PTPRD: variants seen among roughly 807,000 people sequenced by gnomAD.
The protein encoded by PTPRD is protein tyrosine phosphatase receptor type D, also known as receptor-type tyrosine-protein phosphatase delta.
In PTPRD, 34 loss-of-function variants were observed where a neutral mutation model predicts 214.5. The observed-to-expected ratio is 0.16, with a 90% CI of 0.12 to 0.21. PTPRD has a LOEUF of 0.21. Among genes scored for constraint, PTPRD ranks in the 10% least tolerant of loss-of-function variants. PTPRD has a pLI of 1.00. For synonymous variants in PTPRD, 1,128 were observed against 845.7 expected (o/e 1.33, Z -5.79); for missense variants, 2,545 against 2,398.7 (o/e 1.06, Z -1.27).
At chr9:10,000,389 A>C (rs541225822) in intron 4 of PTPRD, among the ~76,000 whole-genome samples, 2 of 152,220 alleles carry the variant, frequency 1.3e-5, no homozygotes, top group African/African-American at 4.8e-5. Flanking sequence ...AAACGATCAA[A>C]CTCAAAATGG....
chr9:9,290,758 A>C (rs952187910), intron 9 of PTPRD, among the ~76,000 whole-genome samples: 2 of 151,584 alleles, frequency 1.3e-5, no homozygotes, highest in African/African-American at 4.8e-5. Flanking sequence ...GAAATGATTT[A>C]TAAACATGGG....
chr9:10,537,072 C>G (rs1234827302), intron 2 of PTPRD, among the ~76,000 whole-genome samples: 1 of 152,118 alleles, frequency 6.6e-6, no homozygotes, highest in Non-Finnish European at 1.5e-5. Context: ...GGATGAACAG[C>G]ATTTGCTCCT....
Position 10,557,220 on chromosome 9 carries a change from C to T in PTPRD, c.-600+55178G>A, listed in dbSNP as rs548649600. 1.6e-4 allele frequency among the ~76,000 whole-genome samples: 25 copies of T among 152,168 alleles called. No individual in the cohort carries two copies. The South Asian group carries it at 4.8e-3, about 29-fold the overall frequency. ...AAGAATTTCATAGATATTGTAAAGT[C>T]ATAAGCATCTGTTTTCTGCTTCTCT... On this transcript the variant is annotated intron_variant, in intron 2 of 45. Coordinates refer to ENST00000381196, the MANE Select transcript of PTPRD (RefSeq NM_002839.4).
chr9:9,695,814 A>G (rs1387027923), intron 7 of PTPRD, among the ~76,000 whole-genome samples: 2 of 152,112 alleles, frequency 1.3e-5, no homozygotes, highest in Non-Finnish European at 2.9e-5. Flanking sequence ...TATTTTGTTG[A>G]GGATGTTTAC....
chr9:9,949,610 A>C (rs960879153), intron 4 of PTPRD, among the ~76,000 whole-genome samples: 2 of 152,152 alleles, frequency 1.3e-5, no homozygotes, highest in Non-Finnish European at 2.9e-5. Context: ...CACTACATCC[A>C]GGCTCCTAGT....
intron 8 of PTPRD, among the ~76,000 whole-genome samples, chr9:9,495,326 GCAACAACAA>G (rs1288641433): frequency 2.1e-5 from 3 of 141,328 alleles, no homozygotes; most frequent in South Asian, 2.2e-4. Flanking sequence ...AAAAAAAAAA[GCAACAACAA>G]CAACAACAAC....
intron 3 of PTPRD, among the ~76,000 whole-genome samples, chr9:10,056,227 A>C (rs2097645101): frequency 6.6e-6 from 1 of 151,886 alleles, no homozygotes; most frequent in Non-Finnish European, 1.5e-5. Context: ...AGGCTGAGGC[A>C]GGATAATTGC....
intron 9 of PTPRD, among the ~76,000 whole-genome samples, chr9:9,270,743 G>C (rs915828787): frequency 7.3e-5 from 11 of 151,412 alleles, no homozygotes; most frequent in African/African-American, 2.7e-4. Context: ...GATTTAGAGA[G>C]AGCACTTTGA....
chr9:9,624,233 G>A (rs2095343198), intron 7 of PTPRD, among the ~76,000 whole-genome samples: 1 of 151,752 alleles, frequency 6.6e-6, no homozygotes, highest in African/African-American at 2.4e-5. Flanking sequence ...GTCTTCTGCT[G>A]GTTGACTATT....
intron 14 of PTPRD, among the ~76,000 whole-genome samples, chr9:8,557,246 G>A (rs965333540): frequency 6.6e-6 from 1 of 151,828 alleles, no homozygotes; most frequent in African/African-American, 2.4e-5. Context: ...CTTGACAACG[G>A]TCATTACTAA....
In PTPRD at chr9:9,115,868, C is replaced by T. The variant is rs116105636; in HGVS notation, c.-143+67436G>A. On this transcript the variant is annotated intron_variant, in intron 10 of 45. Transcript: ENST00000381196. The stretch of plus-strand genomic sequence containing the variant: ...ATTTGATATAGAAAATGTATATACC[C>T]ATCATGGAATACTACACAGCCATAA... Among the ~76,000 whole-genome samples, 760 of 152,222 alleles carry T rather than the reference C, an allele frequency of 5.0e-3. 7 individuals carry two copies. Among genetic ancestry groups the T allele is most frequent in the African/African-American group, 0.017 (719 of 41,530 alleles).
chr9:9,106,437 A>G (rs2099798640), intron 10 of PTPRD, among the ~76,000 whole-genome samples: 1 of 151,898 alleles, frequency 6.6e-6, no homozygotes, highest in Non-Finnish European at 1.5e-5. Flanking sequence ...TCACTTTAAA[A>G]TTATAAGCTA....
intron 2 of PTPRD, among the ~76,000 whole-genome samples, chr9:10,511,942 ATATACG>A (rs199585239): frequency 0.29 from 28,184 of 96,112 alleles, 4,536 homozygotes; most frequent in Middle Eastern, 0.41. Flanking sequence ...GTGTATATAT[ATATACG>A]TGTGTGTATA....
At chr9:9,808,232 T>G (rs1215770056) in intron 5 of PTPRD, among the ~76,000 whole-genome samples, 1 of 152,168 alleles carries the variant, frequency 6.6e-6, no homozygotes, top group Non-Finnish European at 1.5e-5. Flanking sequence ...GTATAGAGCT[T>G]TGGTCTGATG....
At chr9:10,333,854 G>A (rs1487289971) in intron 3 of PTPRD, among the ~76,000 whole-genome samples, 1 of 151,728 alleles carries the variant, frequency 6.6e-6, no homozygotes, top group African/African-American at 2.4e-5. Context: ...ACTTGACTGA[G>A]ACTTGCTACC....
intron 7 of PTPRD, among the ~76,000 whole-genome samples, chr9:9,681,251 G>A (rs559620988): frequency 6.6e-6 from 1 of 151,602 alleles, no homozygotes; most frequent in East Asian, 1.9e-4. Flanking sequence ...GTAAGTGTAG[G>A]GTGCGGAGCC....
intron 11 of PTPRD, among the ~76,000 whole-genome samples, chr9:8,928,898 G>T (rs7022167): frequency 0.15 from 22,438 of 152,100 alleles, 2,020 homozygotes; most frequent in Non-Finnish European, 0.2. Context: ...GCCTGAAGAA[G>T]TCCTTCGCAT....
chr9:10,157,271 G>C (rs535973021), intron 3 of PTPRD, among the ~76,000 whole-genome samples: 1 of 152,150 alleles, frequency 6.6e-6, no homozygotes, highest in Admixed American at 6.6e-5. Flanking sequence ...ATTGATAAAG[G>C]TCTTTCCTTT....
chr9:9,725,580 G>C (rs1327679998), intron 7 of PTPRD, among the ~76,000 whole-genome samples: 1 of 151,970 alleles, frequency 6.6e-6, no homozygotes, highest in Admixed American at 6.6e-5. Flanking sequence ...TAATAAGTTG[G>C]TTCTCCTTAT....
Sources: gnomAD v4.1 joint callset for allele counts (sites outside exome capture counted in the v4.1 genomes callset) on GRCh38, gnomAD v4.1.1 for gene constraint, MANE v1.5 for transcripts, NCBI Gene and HGNC (gene_info 2026-07-23, HGNC 2026-07-21) for gene names.